ANTXR1: variants seen among roughly 807,000 people sequenced by gnomAD.
The protein encoded by ANTXR1 is anthrax toxin receptor 1.
In ANTXR1, 19 loss-of-function variants were observed where a neutral mutation model predicts 78.1. The observed-to-expected ratio is 0.24, with a 90% CI of 0.17 to 0.36. ANTXR1 has a LOEUF of 0.36. Ranked by LOEUF, ANTXR1 falls within the 10% of genes least tolerant of loss-of-function variation. ANTXR1 has a pLI of 1.00. For missense variants in ANTXR1, 518 were observed against 718.6 expected (o/e 0.72, Z 3.19); for synonymous variants, 273 against 260.5 (o/e 1.05, Z -0.46).
At chr2:69,175,410 C>G (rs549214815) in intron 14 of ANTXR1, among the ~76,000 whole-genome samples, 2 of 135,126 alleles carry the variant, frequency 1.5e-5, no homozygotes, top group East Asian at 3.9e-4. Flanking sequence ...AGTTCGAGAC[C>G]AGCCTGGGTA....
chr2:69,245,363 C>A lies in ANTXR1; in HGVS notation c.1573C>A (p.Pro525Thr), dbSNP rs1414256807. 1 of 1,511,902 alleles carries A rather than the reference C, an allele frequency of 6.6e-7. No individual in the cohort carries two copies. The highest frequency in any genetic ancestry group is 2.5e-5 in the East Asian group (1 of 40,046). 93.7% of individuals were successfully genotyped at this position (1,511,902 alleles called of 1,614,324 possible). A position where few individuals can be genotyped will look rare whatever the true frequency, so the allele number is the denominator to read the frequency against. The part of the protein sequence containing the change: ...PPPAPHCPPP[P>T]PSAPTPPIPS... ...TCCTGCGCCCCACTGCCCTCCCCCG[C>A]CCCCCAGCGCCCCTACCCCTCCCAT... Residue 525 changes from proline to threonine, a missense_variant, in exon 18 of 18, where the codon CCC (proline) becomes ACC (threonine). Around this residue, in one of 5 missense-constraint regions of ANTXR1, gnomAD observed 192 missense variants for 230.2 expected, o/e 0.83. Transcript: ENST00000303714.
chr2:69,135,440 T>C (rs12104786), intron 12 of ANTXR1, among the ~76,000 whole-genome samples: 22,964 of 152,066 alleles, frequency 0.15, 1,934 homozygotes, highest in African/African-American at 0.2. Flanking sequence ...GTTTAAAAAC[T>C]CAGATTGACA....
rs573746633 is a variant in ANTXR1 at position 69,229,046 on chromosome 2, G to A, written c.1435-16179G>A. 1.0e-3 allele frequency among the ~76,000 whole-genome samples: 153 copies of A among 152,168 alleles called. 1 individual carries two copies. The highest frequency in any genetic ancestry group is 3.6e-3 in the African/African-American group (148 of 41,502). On this transcript the variant is annotated intron_variant, in intron 17 of 17. Transcript: ENST00000303714. ...TGAGTAGAATGAAAACAAGCCCTGT[G>A]GGAACTCTTCTTCTAAGGGGACCAA...
chr2:69,134,992 C>A, intron 12 of ANTXR1: 2 of 381,372 alleles, frequency 5.2e-6, no homozygotes, highest in Non-Finnish European at 5.4e-6. Flanking sequence ...ATTATTTTAA[C>A]AGGATGGCTT....
chr2:69,195,966 A>G (rs1278465128), intron 17 of ANTXR1, among the ~76,000 whole-genome samples: 2 of 152,208 alleles, frequency 1.3e-5, no homozygotes, highest in Non-Finnish European at 2.9e-5. Flanking sequence ...AAGAAGTGGG[A>G]GGGTTATAGG....
chr2:69,057,504 C>G (rs1212002824), intron 3 of ANTXR1, among the ~76,000 whole-genome samples: 1 of 152,116 alleles, frequency 6.6e-6, no homozygotes, highest in East Asian at 1.9e-4. Context: ...TTTGATGTTA[C>G]TATCTATTGT....
At chr2:69,049,974 C>A (rs1242178169) in intron 3 of ANTXR1, among the ~76,000 whole-genome samples, 1 of 151,916 alleles carries the variant, frequency 6.6e-6, no homozygotes, top group African/African-American at 2.4e-5. Flanking sequence ...TTCCTTTGAC[C>A]TGTCTGTAAA....
intron 1 of ANTXR1, among the ~76,000 whole-genome samples, chr2:69,036,234 T>C (rs1273617806): frequency 1.3e-5 from 2 of 152,236 alleles, no homozygotes; most frequent in Non-Finnish European, 2.9e-5. Flanking sequence ...CTTTTATTTC[T>C]ATGGGTACAT....
At chr2:69,204,075 G>C (rs1674837814) in intron 17 of ANTXR1, among the ~76,000 whole-genome samples, 1 of 152,154 alleles carries the variant, frequency 6.6e-6, no homozygotes, top group East Asian at 1.9e-4. Context: ...CTTTGTCTAA[G>C]CATGATGATC....
At chr2:69,141,702 TG>T (rs1174669218) in intron 12 of ANTXR1, among the ~76,000 whole-genome samples, 1 of 152,244 alleles carries the variant, frequency 6.6e-6, no homozygotes, top group East Asian at 1.9e-4. Flanking sequence ...GAAGAATGAA[TG>T]TGTCAAAATG....
chr2:69,118,328 G>A (rs1191208564), intron 10 of ANTXR1, among the ~76,000 whole-genome samples: 2 of 151,720 alleles, frequency 1.3e-5, no homozygotes, highest in Non-Finnish European at 2.9e-5. Context: ...GGGTGAGGGG[G>A]ACAAGGTAGG....
intron 12 of ANTXR1, chr2:69,145,231 C>T (rs1424808868): frequency 1.6e-6 from 2 of 1,280,204 alleles, no homozygotes; most frequent in South Asian, 1.3e-5. Context: ...ACTTTAGGGA[C>T]CCTCACTTGC....
intron 3 of ANTXR1, among the ~76,000 whole-genome samples, chr2:69,056,184 T>G (rs939337646): frequency 6.6e-6 from 1 of 152,148 alleles, no homozygotes; most frequent in African/African-American, 2.4e-5. Flanking sequence ...CAAAGAACAG[T>G]AGCATTCTCA....
intron 17 of ANTXR1, among the ~76,000 whole-genome samples, chr2:69,224,976 C>G (rs1053015009): frequency 7.1e-5 from 10 of 141,502 alleles, no homozygotes; most frequent in Admixed American, 1.5e-4. Context: ...TGTCACCCTC[C>G]CTCCGTTTTC....
chr2:69,112,309 A>C (rs1405679808), intron 10 of ANTXR1, among the ~76,000 whole-genome samples: 1 of 152,162 alleles, frequency 6.6e-6, no homozygotes, highest in African/African-American at 2.4e-5. Context: ...AGAGAGATGA[A>C]GTGCCCAAGT....
At chr2:69,072,983 A>T in intron 5 of ANTXR1, 39 bp from the exon 6 acceptor site, 5 of 1,594,030 alleles carry the variant, frequency 3.1e-6, no homozygotes, top group Non-Finnish European at 4.3e-6. Context: ...CCTTGGGTGG[A>T]GCAGGGTGGA....
At chr2:69,163,983 A>G (rs1369105475) in intron 13 of ANTXR1, among the ~76,000 whole-genome samples, 1 of 152,202 alleles carries the variant, frequency 6.6e-6, no homozygotes, top group African/African-American at 2.4e-5. Flanking sequence ...TTTGCAGTTT[A>G]GTGATTTTAA....
chr2:69,221,483 G>A (rs1289202107), intron 17 of ANTXR1, among the ~76,000 whole-genome samples: 1 of 152,154 alleles, frequency 6.6e-6, no homozygotes, highest in Non-Finnish European at 1.5e-5. Flanking sequence ...AAGAGACTCA[G>A]TAGCATCTTA....
At chr2:69,167,173 G>A (rs1673849133) in intron 13 of ANTXR1, among the ~76,000 whole-genome samples, 1 of 152,204 alleles carries the variant, frequency 6.6e-6, no homozygotes, top group Admixed American at 6.5e-5. Flanking sequence ...CACAGTGGGA[G>A]GGAAGTAAGG....
Sources: gnomAD v4.1 joint callset for allele counts (sites outside exome capture counted in the v4.1 genomes callset) on GRCh38, gnomAD v4.1.1 for gene constraint, gnomAD v4.1.1 regional missense constraint, MANE v1.5 for transcripts, NCBI Gene and HGNC (gene_info 2026-07-23, HGNC 2026-07-21) for gene names.